LNP1: variants seen among roughly 807,000 people sequenced by gnomAD.
The protein encoded by LNP1 is leukemia NUP98 fusion partner 1.
A neutral mutation model predicts 14.5 loss-of-function variants in LNP1; 12 were observed. The ratio of observed to expected loss-of-function variants is 0.83; its 90% confidence interval spans 0.53 to 1.34. The LOEUF is 1.34. Ranked by LOEUF, LNP1 falls within the 40% of genes most tolerant of loss-of-function variation. LNP1 has a pLI of 0.00. For missense variants in LNP1, 198 were observed against 210.9 expected, an observed-to-expected ratio of 0.94 and a Z score of 0.38; for synonymous variants, 75 against 71.4, an observed-to-expected ratio of 1.05 and a Z score of -0.26.
intron 2 of LNP1, among the ~76,000 whole-genome samples, chr3:100,434,116 T>C (rs925109513): frequency 6.6e-6 from 1 of 152,208 alleles, no homozygotes; most frequent in Non-Finnish European, 1.5e-5. Flanking sequence ...TTGCTTTTGG[T>C]GTTTTCATCA....
At chr3:100,406,571 G>T (rs539792145) in intron 1 of LNP1, among the ~76,000 whole-genome samples, 1 of 152,222 alleles carries the variant, frequency 6.6e-6, no homozygotes, top group Non-Finnish European at 1.5e-5. Flanking sequence ...TCTTGCTCTT[G>T]TTGCCCAGGC....
chr3:100,429,334 C>A (rs546200451), intron 1 of LNP1, among the ~76,000 whole-genome samples: 6 of 152,248 alleles, frequency 3.9e-5, no homozygotes, highest in Non-Finnish European at 8.8e-5. Flanking sequence ...GAGGGTCATG[C>A]TCCATCATCA....
intron 1 of LNP1, among the ~76,000 whole-genome samples, chr3:100,402,858 C>T (rs1706925932): frequency 6.6e-6 from 1 of 152,190 alleles, no homozygotes; most frequent in African/African-American, 2.4e-5. Flanking sequence ...CTGTCCTCAG[C>T]TGCACAGTTC....
At chr3:100,403,101 G>A (rs1286495094) in intron 1 of LNP1, among the ~76,000 whole-genome samples, 4 of 151,998 alleles carry the variant, frequency 2.6e-5, no homozygotes, top group Non-Finnish European at 5.9e-5. Context: ...ATAGAGTGTC[G>A]CTTACTGGCT....
At chr3:100,423,572 C>G (rs575471872) in intron 1 of LNP1, among the ~76,000 whole-genome samples, 1 of 152,302 alleles carries the variant, frequency 6.6e-6, no homozygotes, top group East Asian at 1.9e-4. Context: ...AACCACTTGA[C>G]AGCCCAAGGA....
At chr3:100,429,140 C>G (rs75331154) in intron 1 of LNP1, among the ~76,000 whole-genome samples, 231 of 152,128 alleles carry the variant, frequency 1.5e-3, no homozygotes, top group Non-Finnish European at 2.8e-3. Flanking sequence ...TAAGTAATAC[C>G]TCAATTTAAA....
chr3:100,451,713 T>C lies in LNP1; in HGVS notation c.157-6T>C. 5 of 1,555,912 alleles carry C rather than the reference T, an allele frequency of 3.2e-6. No homozygotes were observed. Among genetic ancestry groups the C allele is most frequent in the Non-Finnish European group, 4.4e-6 (5 of 1,127,260 alleles). ...TACTGTAAATTTTTTCATTCTGTAT[T>C]CTCAGCTTCCTGTGCTTCCCAGAAT... is the stretch of plus-strand genomic sequence containing the variant. On this transcript the variant is annotated splice_polypyrimidine_tract_variant and splice_region_variant and intron_variant, in intron 2 of 3. Transcript: ENST00000383693.
intron 1 of LNP1, among the ~76,000 whole-genome samples, chr3:100,411,074 C>T (rs553929107): frequency 2.6e-5 from 4 of 152,274 alleles, no homozygotes; most frequent in African/African-American, 4.8e-5. Flanking sequence ...TACTACCACC[C>T]GAGAGGGCCT....
At chr3:100,408,396 G>A (rs1004722518) in intron 1 of LNP1, among the ~76,000 whole-genome samples, 1 of 152,206 alleles carries the variant, frequency 6.6e-6, no homozygotes, top group Non-Finnish European at 1.5e-5. Flanking sequence ...AGCTGACTTA[G>A]CACTGGGATG....
Position 100,429,744 on chromosome 3 carries a change from T to C in LNP1, c.15T>C (p.Asp5=). 2.5e-6 allele frequency: 4 copies of C among 1,595,906 alleles called. No individual in the cohort carries two copies. Among genetic ancestry groups the C allele is most frequent in the Non-Finnish European group, 2.6e-6 (3 of 1,167,050 alleles). MEHK[D]DDDDDVSFAK... is the part of the protein sequence containing the mutation. Reference sequence around the variant, plus strand: ...ATCACCTTTACATGGAGCACAAAGATGATGATGATGATGATGTGTCTTTTG... The same window carrying C: ...ATCACCTTTACATGGAGCACAAAGACGATGATGATGATGATGTGTCTTTTG... The change falls in exon 2 of 4, where the codon GAT becomes GAC. Residue 5 remains aspartate (D), a synonymous_variant. Coordinates refer to ENST00000383693, the MANE Select transcript of LNP1 (RefSeq NM_001085451.2).
intron 2 of LNP1, among the ~76,000 whole-genome samples, chr3:100,441,790 G>A (rs1019565566): frequency 1.3e-5 from 2 of 152,062 alleles, no homozygotes; most frequent in African/African-American, 4.8e-5. Flanking sequence ...AGCCTCCCGA[G>A]TAGCTGGGAT....
At chr3:100,414,583 C>A (rs1397344177) in intron 1 of LNP1, among the ~76,000 whole-genome samples, 1 of 151,856 alleles carries the variant, frequency 6.6e-6, no homozygotes, top group Non-Finnish European at 1.5e-5. Flanking sequence ...GGCAGATGAT[C>A]CTGCGTATAC....
intron 1 of LNP1, among the ~76,000 whole-genome samples, chr3:100,424,247 T>C (rs1707172199): frequency 6.6e-6 from 1 of 152,152 alleles, no homozygotes; most frequent in Non-Finnish European, 1.5e-5. Context: ...CTTCCAGTAT[T>C]AGGAGATTCC....
rs2148908730 is a variant in LNP1, at chr3:100,451,843, T to C, written c.281T>C (p.Phe94Ser). ...DYRKYSEDGSFKEPLESKGRS... is the reference protein window; with the variant it reads ...DYRKYSEDGSSKEPLESKGRS... ...AGAAAATACTCAGAGGATGGGTCAT[T>C]CAAGGAGCCACTGGAATCAAAAGGA... The change falls in exon 3 of 4, where the codon TTC (phenylalanine) becomes TCC (serine). Residue 94 changes from phenylalanine (F) to serine (S), a missense_variant. Physicochemically the swap from Phe to Ser is radical, Grantham distance 155. Transcript: ENST00000383693. 1 of 1,225,162 alleles carries C rather than the reference T, an allele frequency of 8.2e-7. No homozygotes were observed. The highest frequency in any genetic ancestry group is 2.4e-4 in the Middle Eastern group (1 of 4,180). 75.9% of individuals were successfully genotyped at this position (1,225,162 alleles called of 1,614,324 possible).
chr3:100,418,700 G>T (rs560014348), intron 1 of LNP1, among the ~76,000 whole-genome samples: 8 of 152,056 alleles, frequency 5.3e-5, no homozygotes, highest in Non-Finnish European at 1.2e-4. Context: ...TTTTAGATCC[G>T]CTCTTTTCTT....
chr3:100,437,368 G>C (rs994689477), intron 2 of LNP1, among the ~76,000 whole-genome samples: 10 of 152,072 alleles, frequency 6.6e-5, no homozygotes, highest in Admixed American at 5.2e-4. Context: ...GCTCTCCTCT[G>C]TTTGGCCACT....
chr3:100,441,828 A>G (rs1297146095), intron 2 of LNP1, among the ~76,000 whole-genome samples: 2 of 151,662 alleles, frequency 1.3e-5, no homozygotes, highest in East Asian at 3.9e-4. Context: ...ATACCCAGCT[A>G]ATTTTTTTGT....
At position 100,410,338 on chromosome 3, in the gene LNP1, C is replaced by G. The variant is rs140364276; in HGVS notation, c.-34+7899C>G. 4.1e-3 allele frequency among the ~76,000 whole-genome samples: 611 copies of G among 150,662 alleles called. 3 individuals are homozygous for G. The highest frequency in any genetic ancestry group is 7.7e-3 in the South Asian group (37 of 4,804). On this transcript the variant is annotated intron_variant, in intron 1 of 3. Coordinates refer to ENST00000383693, the MANE Select transcript of LNP1 (RefSeq NM_001085451.2). ...TTCATTCAAATGTGGATGTTAAGGG[C>G]CATTTTGGTGAGATCTCAGATACAA...
chr3:100,408,040 A>G (rs535161359), intron 1 of LNP1, among the ~76,000 whole-genome samples: 18 of 152,318 alleles, frequency 1.2e-4, no homozygotes, highest in African/African-American at 3.8e-4. Flanking sequence ...GAGCTTCTTT[A>G]AAACAGCTGT....
Sources: allele counts gnomAD v4.1 joint callset (sites outside exome capture counted in the v4.1 genomes callset), GRCh38; gene constraint gnomAD v4.1.1; transcripts MANE v1.5; gene names NCBI Gene and HGNC (gene_info 2026-07-23, HGNC 2026-07-21).